RALYL: variants seen among roughly 807,000 people sequenced by gnomAD.
RALYL encodes RNA-binding Raly-like protein.
RALYL carries 29 observed loss-of-function variants against 35.1 expected under a neutral mutation model. That is an observed-to-expected ratio of 0.83 (90% CI 0.61 to 1.13). The LOEUF (loss-of-function observed/expected upper bound fraction) is 1.13, where lower values mean the gene tolerates loss of function less well. RALYL is among the 50% of genes most tolerant of loss of function. The pLI, the probability that RALYL is intolerant of heterozygous loss-of-function variation, is 0.00. For missense variants in RALYL, 359 were observed against 360.4 expected, an observed-to-expected ratio of 1.00 and a Z score of 0.03; for synonymous variants, 120 against 127.6, an observed-to-expected ratio of 0.94 and a Z score of 0.40.
chr8:84,781,323 A>G (rs1323681344), intron 3 of RALYL, among the ~76,000 whole-genome samples: 1 of 152,226 alleles, frequency 6.6e-6, no homozygotes, highest in Non-Finnish European at 1.5e-5. Context: ...CTAAGCAAAT[A>G]TAACTTATAG....
intron 1 of RALYL, among the ~76,000 whole-genome samples, chr8:84,412,482 T>A (rs1421068645): frequency 2.0e-5 from 3 of 151,936 alleles, no homozygotes; most frequent in African/African-American, 7.2e-5. Context: ...TTTTTTGGTC[T>A]GAAGAGATTT....
At chr8:84,310,922 C>T (rs1842667176) in intron 1 of RALYL, among the ~76,000 whole-genome samples, 1 of 144,484 alleles carries the variant, frequency 6.9e-6, no homozygotes. Context: ...TGGCGGGCGC[C>T]TGTAGTCCCA....
intron 4 of RALYL, among the ~76,000 whole-genome samples, chr8:84,807,360 C>CTGAT (rs1283022926): frequency 2.0e-5 from 3 of 152,170 alleles, no homozygotes; most frequent in Non-Finnish European, 2.9e-5. Flanking sequence ...CTTTTTATGG[C>CTGAT]TGATTAGTAT....
intron 1 of RALYL, among the ~76,000 whole-genome samples, chr8:84,391,364 T>C (rs7838135): frequency 0.017 from 2,596 of 152,094 alleles, 70 homozygotes; most frequent in African/African-American, 0.059. Flanking sequence ...AGAAAAGTCC[T>C]ATTTCACATC....
chr8:84,433,894 A>C (rs945611583), intron 1 of RALYL, among the ~76,000 whole-genome samples: 2 of 151,742 alleles, frequency 1.3e-5, no homozygotes, highest in Non-Finnish European at 2.9e-5. Flanking sequence ...AAATATATAT[A>C]TTCAAATTTC....
In RALYL at chr8:84,423,759, G is replaced by A. The variant is rs1426229537; in HGVS notation, c.-23-105540G>A. On this transcript the variant is annotated intron_variant, in intron 1 of 8. Transcript: ENST00000521268. The stretch of plus-strand genomic sequence containing the variant: ...GGGCAGGCCTGGTGGTGACAAAATC[G>A]GTCAGCATTTGCTTGTCTGTAAAGT... Among the ~76,000 whole-genome samples the A allele has an allele frequency of 2.4e-4, 37 of 151,086 alleles. No individual in the cohort carries two copies. In the East Asian group the frequency reaches 6.4e-3, roughly 26 times the overall value.
In RALYL at chr8:84,349,337, G is replaced by A. The variant is rs1294003861; in HGVS notation, c.-24+164913G>A. Among the ~76,000 whole-genome samples the A allele has an allele frequency of 2.0e-5, 3 of 150,362 alleles. No individual in the cohort carries two copies. In the East Asian group the frequency reaches 5.8e-4, roughly 29 times the overall value. On this transcript the variant is annotated intron_variant, in intron 1 of 8. Transcript: ENST00000521268. ...TCTTTATAACAGCAACTTGTATTGT[G>A]AATTTTCATGAGTACTTCACGTAGA...
At chr8:84,920,449 T>C (rs113057822) in intron 8 of RALYL, among the ~76,000 whole-genome samples, 29 of 152,240 alleles carry the variant, frequency 1.9e-4, no homozygotes, top group African/African-American at 6.0e-4. Context: ...AAGACCTGTA[T>C]TGGCTTTTTC....
At chr8:84,824,482 C>A (rs1366911994) in intron 4 of RALYL, among the ~76,000 whole-genome samples, 2 of 151,824 alleles carry the variant, frequency 1.3e-5, no homozygotes, top group African/African-American at 4.9e-5. Flanking sequence ...AAACTACCAA[C>A]ATTATTTTTC....
rs191458706 is a variant in RALYL at position 84,755,032 on chromosome 8, T to G, written c.257-19547T>G. Among the ~76,000 whole-genome samples the G allele has an allele frequency of 2.6e-5, 4 of 152,308 alleles. No individual in the cohort carries two copies. The East Asian group carries it at 7.7e-4, about 29-fold the overall frequency. On this transcript the variant is annotated intron_variant, in intron 2 of 8. Transcript: ENST00000521268. ...AGGCACTCCAGTTTTAATGCCTGTT[T>G]CCATGAGCAGCTATAGTTATACTGA...
intron 1 of RALYL, among the ~76,000 whole-genome samples, chr8:84,194,550 A>G (rs1339257387): frequency 4.6e-5 from 7 of 152,196 alleles, no homozygotes; most frequent in Non-Finnish European, 8.8e-5. Context: ...AAATGAATAT[A>G]GGATCCTATA....
intron 1 of RALYL, among the ~76,000 whole-genome samples, chr8:84,321,321 A>G (rs1317390685): frequency 6.6e-6 from 1 of 152,142 alleles, no homozygotes; most frequent in African/African-American, 2.4e-5. Flanking sequence ...GGCACATAAG[A>G]GAAATGATAT....
At chr8:84,837,436 G>C (rs1247470290) in intron 4 of RALYL, among the ~76,000 whole-genome samples, 1 of 152,100 alleles carries the variant, frequency 6.6e-6, no homozygotes, top group African/African-American at 2.4e-5. Flanking sequence ...AAATTTATTA[G>C]TATTCTTAAG....
At chr8:84,306,529 T>A (rs1193458027) in intron 1 of RALYL, among the ~76,000 whole-genome samples, 2 of 152,148 alleles carry the variant, frequency 1.3e-5, no homozygotes, top group East Asian at 3.9e-4. Flanking sequence ...CAGTGCCTGA[T>A]GCGCCTCACT....
intron 6 of RALYL, 40 bp downstream of exon 6, chr8:84,862,493 GAGTGATTAAC>G: frequency 6.8e-7 from 1 of 1,474,764 alleles, no homozygotes; most frequent in African/African-American, 1.4e-5. Flanking sequence ...TTAAAGAAGG[GAGTGATTAAC>G]TATCATTGCA....
chr8:84,854,359 AAAAAGGAAG>A (rs1274676532), intron 5 of RALYL, among the ~76,000 whole-genome samples: 1 of 79,738 alleles, frequency 1.3e-5, no homozygotes, highest in East Asian at 1.3e-3. Context: ...AAAGAAAAAG[AAAAAGGAAG>A]AAAAAGAAAA....
chr8:84,896,104 T>C (rs1844700893), intron 8 of RALYL, among the ~76,000 whole-genome samples: 1 of 152,158 alleles, frequency 6.6e-6, no homozygotes, highest in African/African-American at 2.4e-5. Context: ...GGATGCAGCC[T>C]TGCCACAGAC....
At chr8:84,730,633 A>T (rs899178128) in intron 2 of RALYL, among the ~76,000 whole-genome samples, 1 of 150,250 alleles carries the variant, frequency 6.7e-6, no homozygotes, top group African/African-American at 2.5e-5. Flanking sequence ...TATCTAGAAG[A>T]CCCCATTGTC....
At chr8:84,833,897 G>A (rs558983069) in intron 4 of RALYL, among the ~76,000 whole-genome samples, 1 of 151,322 alleles carries the variant, frequency 6.6e-6, no homozygotes, top group Non-Finnish European at 1.5e-5. Context: ...TAGAATAGTG[G>A]CTGATAAATG....
Sources: gnomAD v4.1 joint callset for allele counts (sites outside exome capture counted in the v4.1 genomes callset) on GRCh38, gnomAD v4.1.1 for gene constraint, MANE v1.5 for transcripts, NCBI Gene and HGNC (gene_info 2026-07-23, HGNC 2026-07-21) for gene names.